The following CNBD1 variants were observed in gnomAD, a reference collection of about 807,000 sequenced individuals.
CNBD1 encodes the protein cyclic nucleotide binding domain containing 1, also known as cyclic nucleotide-binding domain-containing protein 1.
CNBD1 carries 71 observed loss-of-function variants against 54.4 expected under a neutral mutation model. The ratio of observed to expected loss-of-function variants is 1.30; its 90% CI spans 1.08 to 1.59. The LOEUF (loss-of-function observed/expected upper bound fraction) is 1.59, where lower values mean the gene tolerates loss of function less well. Ranked by LOEUF, CNBD1 falls within the 40% of genes most tolerant of loss-of-function variation. The pLI is 0.00. For missense variants in CNBD1, 659 were observed against 518.0 expected, an observed-to-expected ratio of 1.27 and a Z score of -2.64; for synonymous variants, 182 against 170.7, an observed-to-expected ratio of 1.07 and a Z score of -0.51.
chr8:87,276,539 G>C (rs368550338), intron 6 of CNBD1, among the ~76,000 whole-genome samples: 9 of 151,972 alleles, frequency 5.9e-5, no homozygotes, highest in African/African-American at 2.2e-4. Context: ...TGGAGAAACG[G>C]AAGTAGGTCT....
At chr8:86,965,429 A>G (rs1273698962) in intron 4 of CNBD1, among the ~76,000 whole-genome samples, 5 of 152,138 alleles carry the variant, frequency 3.3e-5, no homozygotes, top group Non-Finnish European at 7.4e-5. Context: ...AACAAAACCA[A>G]CATTCCCAAC....
At chr8:87,152,309 C>T (rs970866476) in intron 4 of CNBD1, among the ~76,000 whole-genome samples, 1 of 151,864 alleles carries the variant, frequency 6.6e-6, no homozygotes, top group Non-Finnish European at 1.5e-5. Flanking sequence ...CGAATGATAA[C>T]CAATATTTCA....
At chr8:87,184,968 G>GT (rs1487653191) in intron 4 of CNBD1, among the ~76,000 whole-genome samples, 1 of 152,000 alleles carries the variant, frequency 6.6e-6, no homozygotes, top group African/African-American at 2.4e-5. Context: ...TATCTTTTGA[G>GT]TTTTTTATTT....
At chr8:87,362,175 C>T (rs1199078471) in intron 10 of CNBD1, among the ~76,000 whole-genome samples, 2 of 152,066 alleles carry the variant, frequency 1.3e-5, no homozygotes, top group Non-Finnish European at 2.9e-5. Flanking sequence ...ATGTCCACTG[C>T]AATGCCTGTG....
intron 3 of CNBD1, among the ~76,000 whole-genome samples, chr8:86,927,478 A>G (rs927895196): frequency 6.6e-6 from 1 of 152,062 alleles, no homozygotes; most frequent in Non-Finnish European, 1.5e-5. Flanking sequence ...GTGACTCTGA[A>G]GTTACTATGA....
At chr8:87,262,308 T>A (rs546097787) in intron 6 of CNBD1, among the ~76,000 whole-genome samples, 9 of 152,346 alleles carry the variant, frequency 5.9e-5, no homozygotes, top group African/African-American at 1.7e-4. Flanking sequence ...AGAATTACTT[T>A]CTAATTACAG....
intron 2 of CNBD1, among the ~76,000 whole-genome samples, chr8:86,895,093 C>T (rs2131797806): frequency 6.6e-6 from 1 of 152,186 alleles, no homozygotes; most frequent in African/African-American, 2.4e-5. Context: ...TAAGTCATAC[C>T]CTCATGACTC....
chr8:86,962,725 G>T (rs1563839008), intron 4 of CNBD1, among the ~76,000 whole-genome samples: 2 of 152,010 alleles, frequency 1.3e-5, no homozygotes, highest in Non-Finnish European at 2.9e-5. Context: ...GGAAGAGCTT[G>T]CAGTGAGCTG....
At chr8:87,171,948 T>C (rs1045396411) in intron 4 of CNBD1, among the ~76,000 whole-genome samples, 4 of 152,168 alleles carry the variant, frequency 2.6e-5, no homozygotes, top group African/African-American at 9.7e-5. Flanking sequence ...GAAGATTTTC[T>C]TCGCTTTTGA....
At chr8:87,379,664 A>C (rs541414980) in intron 10 of CNBD1, among the ~76,000 whole-genome samples, 1 of 152,136 alleles carries the variant, frequency 6.6e-6, no homozygotes, top group East Asian at 1.9e-4. Flanking sequence ...GTGCATATTA[A>C]ATTAATGATG....
chr8:87,149,697 G>A (rs577664329), intron 4 of CNBD1, among the ~76,000 whole-genome samples: 63 of 152,178 alleles, frequency 4.1e-4, no homozygotes, highest in African/African-American at 1.1e-3. Flanking sequence ...AGAGCATGAC[G>A]TGGACTCTTG....
intron 10 of CNBD1, among the ~76,000 whole-genome samples, chr8:87,381,632 A>G (rs1811076952): frequency 6.6e-6 from 1 of 152,048 alleles, no homozygotes; most frequent in Non-Finnish European, 1.5e-5. Context: ...ATTGACAGAT[A>G]AATGAATTAA....
chr8:87,044,496 G>C (rs1810140407), intron 4 of CNBD1: 1 of 152,124 alleles, frequency 6.6e-6, no homozygotes, highest in Non-Finnish European at 1.5e-5. Context: ...ATAAGCAAAA[G>C]AAGACAGCTC....
At chr8:87,194,855 G>A (rs1435322110) in intron 4 of CNBD1, among the ~76,000 whole-genome samples, 3 of 151,820 alleles carry the variant, frequency 2.0e-5, no homozygotes, top group Non-Finnish European at 2.9e-5. Context: ...TCTTCATGTA[G>A]TGTCTTTTTT....
chr8:86,910,972 C>T (rs1809091426), intron 3 of CNBD1, among the ~76,000 whole-genome samples: 2 of 152,242 alleles, frequency 1.3e-5, no homozygotes, highest in South Asian at 2.1e-4. Context: ...TTACATAACA[C>T]GAAGAACTGG....
intron 3 of CNBD1, among the ~76,000 whole-genome samples, chr8:86,919,881 G>C (rs4269562): frequency 0.31 from 47,570 of 151,830 alleles, 7,597 homozygotes; most frequent in East Asian, 0.42. Flanking sequence ...CAATTCAGAG[G>C]GTCTTGAGTG....
At chr8:87,331,668 C>T (rs943909917) in intron 8 of CNBD1, among the ~76,000 whole-genome samples, 2 of 152,190 alleles carry the variant, frequency 1.3e-5, no homozygotes, top group East Asian at 1.9e-4. Flanking sequence ...AATTAATTTA[C>T]ATTCCCACCA....
Position 87,338,717 on chromosome 8 carries a change from G to A in CNBD1, c.1043-12968G>A, listed in dbSNP as rs931666769. On this transcript the variant is annotated intron_variant, in intron 8 of 10. Coordinates refer to ENST00000518476, the MANE Select transcript of CNBD1 (RefSeq NM_173538.3). ...TTTTGTTTTTGCAGCTATCTTGTTT[G>A]GTGTTTTTTGAGCTTCCTGGATCTG... Among the ~76,000 whole-genome samples the A allele has an allele frequency of 2.7e-5, 4 of 150,700 alleles. No homozygotes were observed. The East Asian group carries it at 5.8e-4, about 22-fold the overall frequency.
intron 4 of CNBD1, among the ~76,000 whole-genome samples, chr8:86,984,259 C>T (rs1348470833): frequency 6.6e-6 from 1 of 152,148 alleles, no homozygotes; most frequent in African/African-American, 2.4e-5. Flanking sequence ...GAAACCTCCA[C>T]CTATATTTCA....
Sources: allele counts gnomAD v4.1 joint callset (sites outside exome capture counted in the v4.1 genomes callset), GRCh38; gene constraint gnomAD v4.1.1; transcripts MANE v1.5; gene names NCBI Gene and HGNC (gene_info 2026-07-23, HGNC 2026-07-21).